The following IGF1 variants were observed in gnomAD, a reference collection of about 807,000 sequenced individuals.
IGF1 encodes the protein insulin-like growth factor 1.
IGF1 carries 4 observed loss-of-function variants against 13.8 expected under a neutral mutation model. The ratio of observed to expected loss-of-function variants is 0.29; its 90% CI spans 0.14 to 0.66. IGF1 has a LOEUF of 0.66. IGF1 is among the 30% of genes least tolerant of loss of function. The pLI is 0.78. For missense variants in IGF1, 124 were observed against 188.5 expected, an observed-to-expected ratio of 0.66 and a Z score of 2.00; for synonymous variants, 76 against 72.6, an observed-to-expected ratio of 1.05 and a Z score of -0.23.
At chr12:102,480,215 G>C (rs553607330) in intron 1 of IGF1, 104 bp downstream of exon 1, 10 of 1,155,348 alleles carry the variant, frequency 8.7e-6, no homozygotes, top group South Asian at 1.3e-5. Flanking sequence ...TCTCGGTTCC[G>C]AAACAATGAA....
intron 2 of IGF1, among the ~76,000 whole-genome samples, chr12:102,467,550 G>A (rs981268480): frequency 5.3e-5 from 8 of 152,222 alleles, no homozygotes; most frequent in African/African-American, 1.9e-4. Context: ...TAAGTGGACG[G>A]AATGCCCAAA....
At chr12:102,415,592 TTCCTTCCC>T (rs1875066880) in intron 3 of IGF1, 2 of 147,488 alleles carry the variant, frequency 1.4e-5, no homozygotes, top group African/African-American at 2.5e-5. Context: ...CCTTCCTTCC[TTCCTTCCC>T]TCCCTCCCTC....
In IGF1 at chr12:102,399,377, G is replaced by A. The variant is rs971585547; in HGVS notation, c.*3130C>T. ...AAGCTCATTCTTACCAATGTTTACT[G>A]TTCTTTTACAAATATCTTGAAATTG... On this transcript the variant is annotated 3_prime_UTR_variant, in exon 4 of 4. Coordinates refer to ENST00000337514, the MANE Select transcript of IGF1 (RefSeq NM_000618.5). 1 of 152,388 alleles carries A rather than the reference G, an allele frequency of 6.6e-6. No homozygotes were observed. Among genetic ancestry groups the A allele is most frequent in the Non-Finnish European group, 1.5e-5 (1 of 67,986 alleles). 9.4% of individuals were successfully genotyped at this position (152,388 alleles called of 1,614,324 possible).
chr12:102,414,168 C>T (rs1240746354), intron 3 of IGF1, among the ~76,000 whole-genome samples: 4 of 152,056 alleles, frequency 2.6e-5, no homozygotes, highest in African/African-American at 9.7e-5. Context: ...ATATACACCT[C>T]CCACTCCTTG....
At chr12:102,450,997 T>G (rs1878869066) in intron 2 of IGF1, among the ~76,000 whole-genome samples, 1 of 152,224 alleles carries the variant, frequency 6.6e-6, no homozygotes, top group Non-Finnish European at 1.5e-5. Context: ...GTTAGTCTGA[T>G]GGTGTCAGTG....
In IGF1 at chr12:102,419,542, G is replaced by A; in HGVS notation, c.369C>T (p.Ala123=). Residue 123 remains alanine (A), a synonymous_variant, in exon 3 of 4, where the codon GCC becomes GCT. Transcript: ENST00000337514. Reference sequence around the variant, plus strand: ...TCTTGGGCATGTCGGTGTGGCGCTGGGCACGGACAGAGCGAGCTGACTTGG... The same window carrying A: ...TCTTGGGCATGTCGGTGTGGCGCTGAGCACGGACAGAGCGAGCTGACTTGG... ...KPAKSARSVR[A]QRHTDMPKTQ... 6.2e-7 allele frequency: 1 copy of A among 1,613,696 alleles called. No individual in the cohort carries two copies. The highest frequency in any genetic ancestry group is 8.5e-7 in the Non-Finnish European group (1 of 1,179,984).
intron 2 of IGF1, among the ~76,000 whole-genome samples, chr12:102,433,575 CT>C (rs1008956868): frequency 1.3e-5 from 2 of 151,844 alleles, no homozygotes; most frequent in East Asian, 1.9e-4. Flanking sequence ...GTATATTAGC[CT>C]TTTTTTTCTG....
At chr12:102,402,994 G>C (rs937611140) in intron 3 of IGF1, among the ~76,000 whole-genome samples, 9 of 152,158 alleles carry the variant, frequency 5.9e-5, no homozygotes, top group African/African-American at 2.2e-4. Context: ...TTGTAAAAAA[G>C]AGACATTTAT....
chr12:102,417,906 G>C (rs964784351), intron 3 of IGF1: 1 of 1,613,640 alleles, frequency 6.2e-7, no homozygotes, highest in Non-Finnish European at 8.5e-7. Context: ...CTGCAGACTT[G>C]CTTCTGTCCC....
chr12:102,447,171 C>T (rs188963830), intron 2 of IGF1, among the ~76,000 whole-genome samples: 118 of 152,056 alleles, frequency 7.8e-4, no homozygotes, highest in African/African-American at 2.7e-3. Flanking sequence ...AGAATAAGTG[C>T]GATATGGTGC....
At position 102,397,210 on chromosome 12, in the gene IGF1, G is replaced by GAA. The variant is rs950879322; in HGVS notation, c.*5295_*5296dup. 1.0e-4 allele frequency: 17 copies of GAA among 162,148 alleles called. No homozygotes were observed. The highest frequency in any genetic ancestry group is 2.2e-4 in the South Asian group (1 of 4,646). 10.0% of individuals were successfully genotyped at this position (162,148 alleles called of 1,614,324 possible). On this transcript the variant is annotated 3_prime_UTR_variant, in exon 4 of 4. Transcript: ENST00000337514. ...GTGCGAGACCCCATCTCACAAAAAG[G>GAA]AAAAAAAAAAAGAGGGAACACGTGA...
At chr12:102,404,960 T>C (rs1469999342) in intron 3 of IGF1, among the ~76,000 whole-genome samples, 3 of 152,094 alleles carry the variant, frequency 2.0e-5, no homozygotes, top group African/African-American at 7.2e-5. Flanking sequence ...GGTTTCACCA[T>C]ATTGGCCAGG....
rs537323308 is a variant in IGF1, at chr12:102,400,805, C to T, written c.*1702G>A. 6.6e-6 allele frequency: 1 copy of T among 152,104 alleles called. No individual in the cohort carries two copies. The highest frequency in any genetic ancestry group is 2.4e-5 in the African/African-American group (1 of 41,508). 9.4% of individuals were successfully genotyped at this position (152,104 alleles called of 1,614,324 possible). On this transcript the variant is annotated 3_prime_UTR_variant, in exon 4 of 4. Coordinates refer to ENST00000337514, the MANE Select transcript of IGF1 (RefSeq NM_000618.5). ...AGTGCTAACAAAGAGTAATTAATTCCCCTTTCACTGGTAGAAATCTCTTTG... is the reference window on the plus strand; with the variant it reads ...AGTGCTAACAAAGAGTAATTAATTCTCCTTTCACTGGTAGAAATCTCTTTG...
At chr12:102,444,405 A>G (rs748738157) in intron 2 of IGF1, among the ~76,000 whole-genome samples, 1 of 152,052 alleles carries the variant, frequency 6.6e-6, no homozygotes. Flanking sequence ...AGACTGCAAC[A>G]GGAGAGTTAG....
chr12:102,448,565 G>A (rs1293159328), intron 2 of IGF1, among the ~76,000 whole-genome samples: 1 of 145,150 alleles, frequency 6.9e-6, no homozygotes, highest in Non-Finnish European at 1.5e-5. Flanking sequence ...GGGAGGGATA[G>A]CATTGGGAGA....
intron 2 of IGF1, among the ~76,000 whole-genome samples, chr12:102,439,326 A>G (rs970377437): frequency 6.6e-6 from 1 of 152,228 alleles, no homozygotes; most frequent in African/African-American, 2.4e-5. Flanking sequence ...TTCCTCAATG[A>G]TGAGTAATGG....
At position 102,401,703 on chromosome 12, in the gene IGF1, A is replaced by G. The variant is rs749719231; in HGVS notation, c.*804T>C. On this transcript the variant is annotated 3_prime_UTR_variant, in exon 4 of 4. Transcript: ENST00000337514. ...TGCTCTATATGGAAAAAATAAAAAG[A>G]GGAAAGTTACTAATTAGGTTGCACA... 10 of 152,678 alleles carry G rather than the reference A, an allele frequency of 6.5e-5. No individual in the cohort carries two copies. The highest frequency in any genetic ancestry group is 2.0e-4 in the Admixed American group (3 of 15,284). 9.5% of individuals were successfully genotyped at this position (152,678 alleles called of 1,614,324 possible).
intron 2 of IGF1, among the ~76,000 whole-genome samples, chr12:102,457,480 C>T (rs996809087): frequency 4.6e-5 from 7 of 152,158 alleles, no homozygotes; most frequent in African/African-American, 1.7e-4. Context: ...TTCATCAACT[C>T]AAAGTCAAAG....
At chr12:102,471,175 A>C (rs563947727) in intron 2 of IGF1, among the ~76,000 whole-genome samples, 1 of 152,210 alleles carries the variant, frequency 6.6e-6, no homozygotes, top group Non-Finnish European at 1.5e-5. Context: ...CTGGGGACCA[A>C]CAGAAACTAT....
Sources: allele counts gnomAD v4.1 joint callset (sites outside exome capture counted in the v4.1 genomes callset), GRCh38; gene constraint gnomAD v4.1.1; transcripts MANE v1.5; gene names NCBI Gene and HGNC (gene_info 2026-07-23, HGNC 2026-07-21).